Variants in VCL observed in about 807,000 individuals in gnomAD.
VCL encodes epididymis luminal protein 114.
VCL carries 47 observed loss-of-function variants against 125.7 expected under a neutral mutation model. The observed-to-expected ratio is 0.37, with a 90% CI of 0.30 to 0.48. The LOEUF is 0.48. VCL is among the 20% of genes least tolerant of loss of function. The pLI, the probability that VCL is intolerant of heterozygous loss-of-function variation, is 0.99. For missense variants in VCL, 1,069 were observed against 1,455.5 expected (o/e 0.73, Z 4.32); for synonymous variants, 458 against 514.6 (o/e 0.89, Z 1.49).
chr10:74,024,029 G>A (rs980937836), intron 1 of VCL, among the ~76,000 whole-genome samples: 1 of 152,150 alleles, frequency 6.6e-6, no homozygotes, highest in African/African-American at 2.4e-5. Flanking sequence ...TGTAACTTTG[G>A]AAGTACAGAT....
chr10:74,087,513 A>ATTTTTTTT (rs1167937127), intron 8 of VCL, among the ~76,000 whole-genome samples: 2 of 123,036 alleles, frequency 1.6e-5, no homozygotes, highest in Non-Finnish European at 3.4e-5. Context: ...CGCCTGGCTA[A>ATTTTTTTT]TTTTTTTTTT....
intron 2 of VCL, among the ~76,000 whole-genome samples, chr10:74,055,878 C>T (rs1841381849): frequency 6.6e-6 from 1 of 152,002 alleles, no homozygotes. Flanking sequence ...CTAGATTTGA[C>T]AAGAGAATAA....
chr10:74,088,075 T>C (rs1055403269), intron 8 of VCL, among the ~76,000 whole-genome samples: 1 of 152,094 alleles, frequency 6.6e-6, no homozygotes, highest in Admixed American at 6.5e-5. Flanking sequence ...GAAGCAAAGG[T>C]GTTTTGGAGT....
At chr10:74,005,077 G>T (rs996995425) in intron 1 of VCL, 1 of 152,066 alleles carries the variant, frequency 6.6e-6, no homozygotes, top group Non-Finnish European at 1.5e-5. Flanking sequence ...AACAGATGAA[G>T]AGTTTTTGTG....
intron 1 of VCL, among the ~76,000 whole-genome samples, chr10:74,012,916 C>T (rs1449242183): frequency 1.3e-5 from 2 of 151,994 alleles, no homozygotes; most frequent in Non-Finnish European, 2.9e-5. Context: ...CTAGGTTAGG[C>T]CCTTCTATCA....
rs146750460 is a variant in VCL, at chr10:73,998,237, G to A, written c.30G>A (p.Glu10=). The A allele has an allele frequency of 9.3e-6, 15 of 1,612,768 alleles. No individual in the cohort carries two copies. The highest frequency in any genetic ancestry group is 3.3e-4 in the Middle Eastern group (2 of 6,078). The change falls in exon 1 of 22, where the codon GAG becomes GAA. Residue 10 remains glutamate, a synonymous_variant. Coordinates refer to ENST00000211998, the MANE Select transcript of VCL (RefSeq NM_014000.3). The part of the protein sequence containing the change: MPVFHTRTI[E]SILEPVAQQI... Reference sequence around the variant, plus strand: ...CAGTGTTTCATACGCGCACGATCGAGAGCATCCTGGAGCCGGTGGCACAGC... The same window carrying A: ...CAGTGTTTCATACGCGCACGATCGAAAGCATCCTGGAGCCGGTGGCACAGC...
chr10:74,092,814 T>G (rs1016315102), intron 10 of VCL, among the ~76,000 whole-genome samples: 25 of 152,110 alleles, frequency 1.6e-4, no homozygotes, highest in Admixed American at 1.4e-3. Context: ...CTTTTGATGG[T>G]GGGTTTAACA....
intron 1 of VCL, among the ~76,000 whole-genome samples, chr10:74,008,020 T>G (rs534741740): frequency 6.6e-6 from 1 of 152,188 alleles, no homozygotes; most frequent in Admixed American, 6.5e-5. Context: ...GCCAGTCTGG[T>G]CTCGAAGTCC....
intron 1 of VCL, among the ~76,000 whole-genome samples, chr10:74,038,029 G>A (rs544663379): frequency 5.3e-4 from 76 of 142,180 alleles, no homozygotes; most frequent in African/African-American, 2.0e-3. Flanking sequence ...ACGGAGTCTC[G>A]CTCTGTCGCC....
intron 2 of VCL, among the ~76,000 whole-genome samples, chr10:74,061,707 C>T (rs370200892): frequency 1.8e-4 from 27 of 152,240 alleles, no homozygotes; most frequent in Admixed American, 3.9e-4. Flanking sequence ...ATTTGTTTTT[C>T]AAAATCTTTT....
intron 2 of VCL, among the ~76,000 whole-genome samples, chr10:74,062,986 T>C (rs146183516): frequency 4.6e-5 from 7 of 152,196 alleles, no homozygotes; most frequent in Admixed American, 3.9e-4. Context: ...ACAAGAATCC[T>C]TTGAACCCAA....
At chr10:74,076,814 AT>A (rs1435895290) in intron 6 of VCL, 29 of 152,678 alleles carry the variant, frequency 1.9e-4, no homozygotes, top group African/African-American at 7.0e-4. Context: ...CTCTTCGCTT[AT>A]TCTCTTTCTT....
chr10:74,005,485 A>G (rs1211295788), intron 1 of VCL, among the ~76,000 whole-genome samples: 3 of 152,040 alleles, frequency 2.0e-5, no homozygotes, highest in Admixed American at 1.3e-4. Flanking sequence ...CAAACTCCTG[A>G]CCTCATGTGA....
intron 2 of VCL, among the ~76,000 whole-genome samples, chr10:74,049,749 C>T (rs1041296812): frequency 1.2e-4 from 18 of 152,208 alleles, no homozygotes; most frequent in African/African-American, 4.3e-4. Flanking sequence ...TTTGTAGTTG[C>T]TGAGCAGTAG....
chr10:74,036,917 T>C (rs1591664989), intron 1 of VCL, among the ~76,000 whole-genome samples: 1 of 151,482 alleles, frequency 6.6e-6, no homozygotes, highest in African/African-American at 2.4e-5. Context: ...TTTTCTTTTT[T>C]TTTTTTCTTT....
At chr10:74,107,668 G>C (rs950899628) in intron 17 of VCL, among the ~76,000 whole-genome samples, 1 of 152,112 alleles carries the variant, frequency 6.6e-6, no homozygotes, top group Non-Finnish European at 1.5e-5. Flanking sequence ...GTAGTGCATT[G>C]TGGTAAAATA....
chr10:74,047,290 C>G (rs1213388551), intron 2 of VCL, among the ~76,000 whole-genome samples: 1 of 152,132 alleles, frequency 6.6e-6, no homozygotes, highest in Non-Finnish European at 1.5e-5. Context: ...GAGTGAGACC[C>G]TGTGTAAAAC....
intron 2 of VCL, among the ~76,000 whole-genome samples, chr10:74,044,777 A>C (rs776879685): frequency 6.6e-6 from 1 of 152,230 alleles, no homozygotes; most frequent in Non-Finnish European, 1.5e-5. Context: ...TGGATAAAAT[A>C]ATCATGGTGT....
At chr10:74,088,783 A>G (rs921007644) in intron 8 of VCL, among the ~76,000 whole-genome samples, 1 of 152,196 alleles carries the variant, frequency 6.6e-6, no homozygotes, top group Non-Finnish European at 1.5e-5. Flanking sequence ...AACATTTTCA[A>G]TGTATACTTG....
Sources: allele counts gnomAD v4.1 joint callset (sites outside exome capture counted in the v4.1 genomes callset), GRCh38; gene constraint gnomAD v4.1.1; transcripts MANE v1.5; gene names NCBI Gene and HGNC (gene_info 2026-07-23, HGNC 2026-07-21).